TCP11L1: variants seen among roughly 807,000 people sequenced by gnomAD.
TCP11L1 encodes T-complex protein 11-like protein 1.
A neutral mutation model predicts 48.9 loss-of-function variants in TCP11L1; 28 were observed. The observed-to-expected ratio is 0.57, with a 90% confidence interval of 0.42 to 0.78. The LOEUF is 0.78. Among genes scored for constraint, TCP11L1 ranks in the 30% least tolerant of loss-of-function variants. TCP11L1 has a pLI of 0.00. For synonymous variants in TCP11L1, 204 were observed against 231.9 expected (o/e 0.88, Z 1.09); for missense variants, 505 against 613.4 (o/e 0.82, Z 1.87).
In TCP11L1 at chr11:33,064,227, A is replaced by T. The variant is rs369060075; in HGVS notation, c.973-1603A>T. Among the ~76,000 whole-genome samples the T allele has an allele frequency of 3.9e-5, 6 of 152,180 alleles. No homozygotes were observed. In the East Asian group the frequency reaches 5.8e-4, roughly 15 times the overall value. On this transcript the variant is annotated intron_variant, in intron 7 of 9. Transcript: ENST00000334274. ...GGACAGCTGTCTACTCCAGGAATTG[A>T]TCCTTGGCAATCTGCATCCTAAACT...
chr11:33,066,142 G>A, intron 8 of TCP11L1, 131 bp downstream of exon 8: 1 of 1,199,564 alleles, frequency 8.3e-7, no homozygotes, highest in Non-Finnish European at 1.2e-6. Flanking sequence ...AAACCTTGCT[G>A]TCTCAGTTGG....
At chr11:33,058,365 A>C (rs1175544352) in intron 5 of TCP11L1, among the ~76,000 whole-genome samples, 3 of 151,928 alleles carry the variant, frequency 2.0e-5, no homozygotes, top group Non-Finnish European at 1.5e-5. Flanking sequence ...TGCCCAGCTA[A>C]TTTTTGTATT....
chr11:33,053,736 C>T (rs536608628), intron 2 of TCP11L1, among the ~76,000 whole-genome samples: 51 of 152,340 alleles, frequency 3.3e-4, no homozygotes, highest in African/African-American at 1.1e-3. Flanking sequence ...CATATTCTGT[C>T]ACAGTATCCT....
intron 7 of TCP11L1, among the ~76,000 whole-genome samples, chr11:33,064,452 G>A (rs137926004): frequency 8.1e-4 from 123 of 152,272 alleles, no homozygotes; most frequent in Non-Finnish European, 1.4e-3. Flanking sequence ...GAGTCCATTC[G>A]ATGAGCCTGT....
chr11:33,063,993 C>T (rs1317638671), intron 7 of TCP11L1, among the ~76,000 whole-genome samples: 1 of 152,108 alleles, frequency 6.6e-6, no homozygotes, highest in African/African-American at 2.4e-5. Context: ...CCTCCCTTTT[C>T]CCCACCGCTG....
intron 7 of TCP11L1, among the ~76,000 whole-genome samples, chr11:33,062,008 G>A (rs1423869408): frequency 2.6e-5 from 4 of 152,158 alleles, no homozygotes; most frequent in Non-Finnish European, 4.4e-5. Context: ...TTGAACCTGG[G>A]AGGCGGAGCT....
At chr11:33,068,626 G>T in intron 8 of TCP11L1, 61 bp from the exon 9 acceptor site, 1 of 1,559,862 alleles carries the variant, frequency 6.4e-7, no homozygotes, top group Non-Finnish European at 8.7e-7. Context: ...GGGTGTGGGC[G>T]GTTGGAGCTG....
intron 5 of TCP11L1, 61 bp downstream of exon 5, chr11:33,058,200 TC>T: frequency 2.1e-6 from 3 of 1,419,580 alleles, no homozygotes; most frequent in Admixed American, 2.6e-5. Context: ...TTCTTTTTTT[TC>T]TTTTCTTTTT....
At chr11:33,041,849 A>T (rs538143552) in intron 1 of TCP11L1, among the ~76,000 whole-genome samples, 1 of 152,282 alleles carries the variant, frequency 6.6e-6, no homozygotes, top group East Asian at 1.9e-4. Flanking sequence ...TAATTCTATC[A>T]GGTGATTCTT....
chr11:33,044,122 G>A, intron 2 of TCP11L1, 186 bp downstream of exon 2: 1 of 527,170 alleles, frequency 1.9e-6, no homozygotes, highest in African/African-American at 2.0e-5. Flanking sequence ...TCAATTGCAT[G>A]GGAAATTAAC....
chr11:33,053,941 G>C (rs967329791), intron 2 of TCP11L1, among the ~76,000 whole-genome samples: 11 of 151,910 alleles, frequency 7.2e-5, no homozygotes, highest in African/African-American at 2.7e-4. Context: ...TCAACCTCCT[G>C]AGTAGCTGGG....
At chr11:33,070,869 G>A (rs907630553) in intron 9 of TCP11L1, among the ~76,000 whole-genome samples, 6 of 151,672 alleles carry the variant, frequency 4.0e-5, no homozygotes, top group South Asian at 4.2e-4. Flanking sequence ...GGGCATGGTG[G>A]CGTGTGCCTG....
intron 2 of TCP11L1, among the ~76,000 whole-genome samples, chr11:33,052,717 G>T (rs1264754158): frequency 2.0e-5 from 3 of 152,182 alleles, no homozygotes; most frequent in Non-Finnish European, 4.4e-5. Context: ...TGGGCCGGCT[G>T]CTGTGGCTCA....
chr11:33,067,927 TA>T (rs1338133876), intron 8 of TCP11L1, among the ~76,000 whole-genome samples: 21 of 151,788 alleles, frequency 1.4e-4, no homozygotes, highest in Admixed American at 7.9e-4. Flanking sequence ...AATTTTTATA[TA>T]TTTTTTTATT....
chr11:33,045,483 T>G (rs935061506), intron 2 of TCP11L1, among the ~76,000 whole-genome samples: 1 of 151,916 alleles, frequency 6.6e-6, no homozygotes, highest in South Asian at 2.1e-4. Flanking sequence ...GTCACCGCAC[T>G]CCAGCCTGGA....
intron 2 of TCP11L1, among the ~76,000 whole-genome samples, chr11:33,048,927 A>G (rs575068976): frequency 6.6e-6 from 1 of 152,124 alleles, no homozygotes; most frequent in African/African-American, 2.4e-5. Flanking sequence ...AACGGTGCCT[A>G]TTATTACCCA....
chr11:33,068,372 G>C (rs910840319), intron 8 of TCP11L1, among the ~76,000 whole-genome samples: 9 of 151,806 alleles, frequency 5.9e-5, no homozygotes, highest in Admixed American at 2.0e-4. Flanking sequence ...GGTATATCAA[G>C]ATATTCTGAG....
intron 2 of TCP11L1, among the ~76,000 whole-genome samples, chr11:33,046,990 G>A (rs1406058208): frequency 6.6e-6 from 1 of 152,104 alleles, no homozygotes; most frequent in Admixed American, 6.6e-5. Context: ...GGCTGAGGCA[G>A]GTGAATCACC....
Position 33,065,761 on chromosome 11 carries a change from T to C in TCP11L1, c.973-69T>C, listed in dbSNP as rs997347426. On this transcript the variant is annotated intron_variant, in intron 7 of 9. Transcript: ENST00000334274. ...GCTGCAGAGGCAGGTGTGGGGGCTGTGGCGCTCCCGCCCTCTGCTGGCCAA... is the reference window on the plus strand; with the variant it reads ...GCTGCAGAGGCAGGTGTGGGGGCTGCGGCGCTCCCGCCCTCTGCTGGCCAA... 6 of 1,545,256 alleles carry C rather than the reference T, an allele frequency of 3.9e-6. No homozygotes were observed. In the Admixed American group the frequency reaches 7.2e-5, roughly 18 times the overall value.
Sources: allele counts gnomAD v4.1 joint callset (sites outside exome capture counted in the v4.1 genomes callset), GRCh38; gene constraint gnomAD v4.1.1; transcripts MANE v1.5; gene names NCBI Gene and HGNC (gene_info 2026-07-23, HGNC 2026-07-21).